Variants in NECTIN3 observed in about 807,000 individuals in gnomAD.
NECTIN3 encodes nectin cell adhesion molecule 3.
In NECTIN3, 8 loss-of-function variants were observed where a neutral mutation model predicts 49.4. That is an observed-to-expected ratio of 0.16 (90% CI 0.10 to 0.29). NECTIN3 has a LOEUF of 0.29. NECTIN3 is among the 10% of genes least tolerant of loss of function. NECTIN3 has a pLI of 1.00. For missense variants in NECTIN3, 581 were observed against 654.6 expected (o/e 0.89, Z 1.23); for synonymous variants, 277 against 241.1 (o/e 1.15, Z -1.38).
Position 111,134,369 on chromosome 3 carries a change from A to C in NECTIN3, c.*154A>C, listed in dbSNP as rs1049218555. 19 of 1,397,610 alleles carry C rather than the reference A, an allele frequency of 1.4e-5. 1 individual carries two copies. The highest frequency in any genetic ancestry group is 5.2e-5 in the East Asian group (2 of 38,140). 86.6% of individuals were successfully genotyped at this position (1,397,610 alleles called of 1,614,324 possible). ...TTCTAATCTGACAAATGAAAATGTA[A>C]AATCTGAGTTCAGTGTATCTAAGCT... On this transcript the variant is annotated 3_prime_UTR_variant, in exon 6 of 6. Transcript: ENST00000485303.
At chr3:111,088,313 A>G (rs868774401) in intron 1 of NECTIN3, among the ~76,000 whole-genome samples, 27 of 152,144 alleles carry the variant, frequency 1.8e-4, no homozygotes, top group African/African-American at 6.0e-4. Flanking sequence ...CTGCCATGCC[A>G]AAAGTGTCCT....
At chr3:111,192,271 C>G, upstream of NECTIN3, 1 of 1,284,826 alleles carries the variant, frequency 7.8e-7, no homozygotes, top group Non-Finnish European at 1.1e-6. Context: ...ATGATTGGCT[C>G]TTTTAAAAAT....
intron 1 of NECTIN3, among the ~76,000 whole-genome samples, chr3:111,095,721 A>G (rs187147787): frequency 6.6e-6 from 1 of 152,284 alleles, no homozygotes; most frequent in Non-Finnish European, 1.5e-5. Context: ...AAGTCTCATG[A>G]GATCTGATGG....
chr3:111,182,010 T>A (rs529279290), intron 7 of NECTIN3, among the ~76,000 whole-genome samples: 1 of 152,182 alleles, frequency 6.6e-6, no homozygotes, highest in East Asian at 1.9e-4. Flanking sequence ...CTTTGAGCAC[T>A]TCTTTGTTTG....
At chr3:111,102,178 G>C (rs888814558) in intron 1 of NECTIN3, among the ~76,000 whole-genome samples, 2 of 152,086 alleles carry the variant, frequency 1.3e-5, no homozygotes, top group African/African-American at 2.4e-5. Context: ...AATAGAAATG[G>C]TGTATATAAA....
intron 7 of NECTIN3, among the ~76,000 whole-genome samples, chr3:111,180,822 A>G (rs2035612516): frequency 6.6e-6 from 1 of 152,208 alleles, no homozygotes; most frequent in African/African-American, 2.4e-5. Context: ...AGAATTTAAT[A>G]TGTACTTTTT....
chr3:111,108,851 C>T (rs1484855284), intron 1 of NECTIN3, among the ~76,000 whole-genome samples: 1 of 152,146 alleles, frequency 6.6e-6, no homozygotes, highest in Non-Finnish European at 1.5e-5. Flanking sequence ...GGGCTCCACT[C>T]CCATGACCCA....
chr3:111,144,837 T>C (rs1559807107), intron 5 of NECTIN3: 3 of 1,472,924 alleles, frequency 2.0e-6, no homozygotes, highest in Non-Finnish European at 2.7e-6. Flanking sequence ...GTAGAAAAGG[T>C]ATGCAATTTC....
At chr3:111,089,250 G>A (rs972955806) in intron 1 of NECTIN3, among the ~76,000 whole-genome samples, 1 of 151,602 alleles carries the variant, frequency 6.6e-6, no homozygotes, top group Non-Finnish European at 1.5e-5. Context: ...CCCACTTTTG[G>A]TTCATTGTTG....
chr3:111,128,498 G>A (rs761915870), intron 5 of NECTIN3, among the ~76,000 whole-genome samples: 2 of 151,960 alleles, frequency 1.3e-5, no homozygotes, highest in African/African-American at 4.8e-5. Flanking sequence ...ACTCTATGTA[G>A]TAGTCTAATA....
At chr3:111,183,553 A>T (rs2035665631) in intron 7 of NECTIN3, among the ~76,000 whole-genome samples, 1 of 152,074 alleles carries the variant, frequency 6.6e-6, no homozygotes, top group Admixed American at 6.6e-5. Context: ...ACCTGAAGTG[A>T]TCTGCCCGCC....
chr3:111,081,635 T>G (rs1559764946), intron 1 of NECTIN3, among the ~76,000 whole-genome samples: 1 of 152,188 alleles, frequency 6.6e-6, no homozygotes, highest in Non-Finnish European at 1.5e-5. Flanking sequence ...ATTGTCGGAT[T>G]ATAGAAAGAG....
downstream of NECTIN3, among the ~76,000 whole-genome samples, chr3:111,141,594 C>T (rs1036720803): frequency 3.3e-5 from 5 of 151,842 alleles, no homozygotes; most frequent in East Asian, 1.9e-4. Context: ...CATGTGCATG[C>T]TATCTTTTAA....
intron 1 of NECTIN3, among the ~76,000 whole-genome samples, chr3:111,108,328 C>G (rs1033694042): frequency 4.0e-5 from 6 of 150,800 alleles, no homozygotes; most frequent in African/African-American, 1.5e-4. Flanking sequence ...TCTCTGCTGT[C>G]ATGCTGAGAG....
At chr3:111,173,036 A>T (rs1389956055) in intron 7 of NECTIN3, among the ~76,000 whole-genome samples, 1 of 152,228 alleles carries the variant, frequency 6.6e-6, no homozygotes, top group East Asian at 1.9e-4. Flanking sequence ...ATTTAGAAAC[A>T]GGGCTACAAT....
chr3:111,108,173 G>A (rs2033269348), intron 1 of NECTIN3, among the ~76,000 whole-genome samples: 1 of 150,898 alleles, frequency 6.6e-6, no homozygotes, highest in Non-Finnish European at 1.5e-5. Context: ...AGTTACATTA[G>A]TATTTGTTTA....
intron 7 of NECTIN3, among the ~76,000 whole-genome samples, chr3:111,181,771 T>C (rs1255259234): frequency 1.3e-5 from 2 of 152,098 alleles, no homozygotes; most frequent in Non-Finnish European, 2.9e-5. Context: ...TTTTCTCTTT[T>C]TCTTGCTAGG....
chr3:111,107,633 C>T (rs1171197516), intron 1 of NECTIN3, among the ~76,000 whole-genome samples: 2 of 152,068 alleles, frequency 1.3e-5, no homozygotes, highest in South Asian at 2.1e-4. Context: ...TAATAATAAA[C>T]GTTTACATTT....
At chr3:111,174,950 G>A (rs2035500137) in intron 7 of NECTIN3, among the ~76,000 whole-genome samples, 1 of 152,118 alleles carries the variant, frequency 6.6e-6, no homozygotes, top group Admixed American at 6.5e-5. Flanking sequence ...CACGGACTCA[G>A]TGGATGAGTG....
Sources: allele counts gnomAD v4.1 joint callset (sites outside exome capture counted in the v4.1 genomes callset), GRCh38; gene constraint gnomAD v4.1.1; transcripts MANE v1.5; gene names NCBI Gene and HGNC (gene_info 2026-07-23, HGNC 2026-07-21).